CEP112: variants seen among roughly 807,000 people sequenced by gnomAD.
The protein encoded by CEP112 is centrosomal protein of 112 kDa.
A neutral mutation model predicts 153.0 loss-of-function variants in CEP112; 127 were observed. The observed-to-expected ratio is 0.83, with a 90% confidence interval of 0.72 to 0.96. CEP112 has a LOEUF of 0.96. Ranked by LOEUF, CEP112 falls within the 40% of genes least tolerant of loss-of-function variation. The pLI is 0.00. For missense variants in CEP112, 1,089 were observed against 1,101.2 expected (o/e 0.99, Z 0.16); for synonymous variants, 358 against 374.4 (o/e 0.96, Z 0.51).
intron 21 of CEP112, among the ~76,000 whole-genome samples, chr17:65,773,442 G>T (rs1201882109): frequency 2.0e-5 from 3 of 151,782 alleles, no homozygotes; most frequent in South Asian, 2.1e-4. Flanking sequence ...ATTTTCTTCT[G>T]ATTATAAAAG....
intron 23 of CEP112, among the ~76,000 whole-genome samples, chr17:65,724,680 T>C (rs2050081816): frequency 6.6e-6 from 1 of 152,224 alleles, no homozygotes; most frequent in South Asian, 2.1e-4. Context: ...TACATATGTC[T>C]CAACCTATAC....
intron 20 of CEP112, among the ~76,000 whole-genome samples, chr17:65,894,487 T>C (rs2059593994): frequency 6.6e-6 from 1 of 152,124 alleles, no homozygotes; most frequent in African/African-American, 2.4e-5. Context: ...AGGATCCTCA[T>C]TCAGGTTCCT....
At position 65,975,800 on chromosome 17, in the gene CEP112, C is replaced by G. The variant is rs2063012099; in HGVS notation, c.1737-14202G>C. 2.0e-5 allele frequency among the ~76,000 whole-genome samples: 3 copies of G among 152,068 alleles called. No homozygotes were observed. The South Asian group carries it at 6.2e-4, about 32-fold the overall frequency. ...ACTCAGGAGGAGTCCTAATTTGGGACTAAACATAGCCTTGAAATGACATGG... is the reference window on the plus strand; with the variant it reads ...ACTCAGGAGGAGTCCTAATTTGGGAGTAAACATAGCCTTGAAATGACATGG... On this transcript the variant is annotated intron_variant, in intron 17 of 26. Coordinates refer to ENST00000535342, the MANE Select transcript of CEP112 (RefSeq NM_001199165.4).
intron 21 of CEP112, among the ~76,000 whole-genome samples, chr17:65,805,778 T>C (rs2055562266): frequency 1.3e-5 from 2 of 152,210 alleles, no homozygotes; most frequent in South Asian, 4.1e-4. Flanking sequence ...TCTGAATTAA[T>C]CCATCCATGG....
intron 21 of CEP112, among the ~76,000 whole-genome samples, chr17:65,764,345 G>A (rs528960952): frequency 6.6e-6 from 1 of 152,172 alleles, no homozygotes; most frequent in Non-Finnish European, 1.5e-5. Flanking sequence ...TTGTTGATGG[G>A]GGATATTGAA....
chr17:66,108,040 T>C (rs554021302), intron 6 of CEP112, among the ~76,000 whole-genome samples: 1 of 152,114 alleles, frequency 6.6e-6, no homozygotes, highest in African/African-American at 2.4e-5. Context: ...AGAATACATA[T>C]GCTGGGGAAA....
intron 6 of CEP112, among the ~76,000 whole-genome samples, chr17:66,099,920 T>C (rs2068497851): frequency 6.6e-6 from 1 of 152,150 alleles, no homozygotes. Context: ...TACATGTCAA[T>C]ACTTAATAAT....
chr17:66,077,225 A>T (rs1165787493), intron 8 of CEP112, among the ~76,000 whole-genome samples: 1 of 152,172 alleles, frequency 6.6e-6, no homozygotes, highest in Non-Finnish European at 1.5e-5. Context: ...CCTGAAAAAG[A>T]ATTCAGGAGG....
intron 12 of CEP112, among the ~76,000 whole-genome samples, chr17:66,042,088 C>A (rs2066007647): frequency 6.6e-6 from 1 of 152,144 alleles, no homozygotes; most frequent in African/African-American, 2.4e-5. Context: ...GTGATTCATG[C>A]CTGTAATCCC....
chr17:66,067,373 T>A (rs1439998076), intron 9 of CEP112, among the ~76,000 whole-genome samples: 1 of 152,194 alleles, frequency 6.6e-6, no homozygotes, highest in East Asian at 1.9e-4. Flanking sequence ...TGAAAGGGAG[T>A]TAGGGATTCT....
At position 65,727,177 on chromosome 17, in the gene CEP112, T is replaced by C. The variant is rs547815081; in HGVS notation, c.2607+15891A>G. On this transcript the variant is annotated intron_variant, in intron 23 of 26. Transcript: ENST00000535342. Reference sequence around the variant, plus strand: ...ACGTTTTCAAAATGAAAACTTATACTGGTCGGGTGGCAGTCAGTCTCTTCA... The same window carrying C: ...ACGTTTTCAAAATGAAAACTTATACCGGTCGGGTGGCAGTCAGTCTCTTCA... 9.8e-5 allele frequency among the ~76,000 whole-genome samples: 15 copies of C among 152,312 alleles called. No homozygotes were observed. The South Asian group carries it at 2.9e-3, about 29-fold the overall frequency.
At position 65,998,075 on chromosome 17, in the gene CEP112, G is replaced by T. The variant is rs1026791024; in HGVS notation, c.1736+7615C>A. Among the ~76,000 whole-genome samples the T allele has an allele frequency of 4.6e-5, 7 of 152,084 alleles. No homozygotes were observed. In the South Asian group the frequency reaches 6.2e-4, roughly 14 times the overall value. Reference sequence around the variant, plus strand: ...TGGTGCCATGAGAGATCTTTTTGGGGTGATAGAAATGTTCTAAAATTGTGC... The same window carrying T: ...TGGTGCCATGAGAGATCTTTTTGGGTTGATAGAAATGTTCTAAAATTGTGC... On this transcript the variant is annotated intron_variant, in intron 17 of 26. Coordinates refer to ENST00000535342, the MANE Select transcript of CEP112 (RefSeq NM_001199165.4).
At chr17:65,784,966 C>G (rs1222607251) in intron 21 of CEP112, among the ~76,000 whole-genome samples, 1 of 152,134 alleles carries the variant, frequency 6.6e-6, no homozygotes, top group African/African-American at 2.4e-5. Flanking sequence ...GAACCCATCC[C>G]TATTAACAGT....
chr17:65,677,848 G>A (rs1174946031), intron 24 of CEP112, among the ~76,000 whole-genome samples: 2 of 152,182 alleles, frequency 1.3e-5, no homozygotes, highest in Admixed American at 6.5e-5. Context: ...GGGAGGCAGA[G>A]GCTGCAGTGA....
chr17:65,788,422 G>A (rs992572243), intron 21 of CEP112, among the ~76,000 whole-genome samples: 5 of 152,116 alleles, frequency 3.3e-5, no homozygotes, highest in African/African-American at 1.2e-4. Context: ...TAGAATAAAT[G>A]GGGGATATTA....
chr17:65,916,283 G>GTGTGTGTGTGTGTGTA (rs1568222849), intron 19 of CEP112, among the ~76,000 whole-genome samples: 2 of 105,660 alleles, frequency 1.9e-5, no homozygotes, highest in East Asian at 4.6e-4. Context: ...GTGTGTGTGT[G>GTGTGTGTGTGTGTGTA]TGTGTGTGTA....
intron 5 of CEP112, 82 bp from the exon 6 acceptor site, chr17:66,129,905 G>A: frequency 1.2e-6 from 1 of 814,896 alleles, no homozygotes; most frequent in Non-Finnish European, 1.9e-6. Context: ...AGATAAAAGA[G>A]GAAAAGATAG....
intron 24 of CEP112, among the ~76,000 whole-genome samples, chr17:65,667,741 A>G (rs551098336): frequency 2.5e-4 from 38 of 152,318 alleles, no homozygotes; most frequent in African/African-American, 7.9e-4. Context: ...TGATATTTGT[A>G]TACTGAGGAT....
rs36031557 is a variant in CEP112 at position 65,877,234 on chromosome 17, G to A, written c.2163+24918C>T. Among the ~76,000 whole-genome samples the A allele has an allele frequency of 4.4e-3, 666 of 152,350 alleles. 2 individuals are homozygous for A. Among genetic ancestry groups the A allele is most frequent in the Middle Eastern group, 6.8e-3 (2 of 294 alleles). Reference sequence around the variant, plus strand: ...AAGCCTGCTAAGCCCAAGTGCAGGTGTGACCAGGAAGTACAGGAAGAGGCA... The same window carrying A: ...AAGCCTGCTAAGCCCAAGTGCAGGTATGACCAGGAAGTACAGGAAGAGGCA... On this transcript the variant is annotated intron_variant, in intron 20 of 26. Coordinates refer to ENST00000535342, the MANE Select transcript of CEP112 (RefSeq NM_001199165.4).
Sources: allele counts gnomAD v4.1 joint callset (sites outside exome capture counted in the v4.1 genomes callset), GRCh38; gene constraint gnomAD v4.1.1; transcripts MANE v1.5; gene names NCBI Gene and HGNC (gene_info 2026-07-23, HGNC 2026-07-21).